Variants in TTLL11 observed in about 807,000 individuals in gnomAD.
TTLL11 encodes the protein tubulin tyrosine ligase like 11.
A neutral mutation model predicts 51.7 loss-of-function variants in TTLL11; 42 were observed. That is an observed-to-expected ratio of 0.81 (90% CI 0.64 to 1.05). The LOEUF (loss-of-function observed/expected upper bound fraction) is 1.05. Ranked by LOEUF, TTLL11 falls within the 50% of genes least tolerant of loss-of-function variation. The pLI, the probability that TTLL11 is intolerant of heterozygous loss-of-function variation, is 0.00. For synonymous variants in TTLL11, 381 were observed against 383.5 expected, an observed-to-expected ratio of 0.99 and a Z score of 0.08; for missense variants, 799 against 940.4, an observed-to-expected ratio of 0.85 and a Z score of 1.97.
chr9:121,989,868 A>C lies in TTLL11; in HGVS notation c.694-98T>G. 5 of 1,510,004 alleles carry C rather than the reference A, an allele frequency of 3.3e-6. No homozygotes were observed. Among genetic ancestry groups the C allele is most frequent in the Non-Finnish European group, 4.4e-6 (5 of 1,138,382 alleles). The allele number at this position is 1,510,004 out of a possible 1,614,324, so 93.5% of individuals were successfully genotyped here. ...AGCAAATGTGTGGTGAATGAGTGAC[A>C]AGATGATCCCTGCCGATCTGAGCAG... On this transcript the variant is annotated intron_variant, in intron 3 of 8. Coordinates refer to ENST00000321582, the MANE Select transcript of TTLL11 (RefSeq NM_001139442.2). This position sits in a 1 kb window ranked among gnomAD's most constrained non-coding sequence, Gnocchi z 4.2.
At chr9:122,003,559 A>G (rs930786225) in intron 3 of TTLL11, among the ~76,000 whole-genome samples, 1 of 140,200 alleles carries the variant, frequency 7.1e-6, no homozygotes, top group African/African-American at 2.7e-5. Context: ...ATCTCGGCTC[A>G]CTGCAACCTC....
intron 1 of TTLL11, among the ~76,000 whole-genome samples, chr9:122,074,277 TAAA>T (rs201390866): frequency 3.7e-5 from 5 of 133,544 alleles, no homozygotes; most frequent in Admixed American, 7.6e-5. Flanking sequence ...TCATCTCAAT[TAAA>T]AAAAAAAAAA....
chr9:121,832,070 A>T (rs187202618), intron 8 of TTLL11, among the ~76,000 whole-genome samples: 6 of 152,230 alleles, frequency 3.9e-5, no homozygotes, highest in Admixed American at 3.9e-4. Context: ...CTATTCAATA[A>T]GGGACCCACC....
chr9:121,907,152 G>A (rs191274000), intron 6 of TTLL11, among the ~76,000 whole-genome samples: 21 of 152,182 alleles, frequency 1.4e-4, no homozygotes. Context: ...ACCAGGGTCT[G>A]TGGCAATTGA....
intron 6 of TTLL11, among the ~76,000 whole-genome samples, chr9:121,895,358 G>A (rs1479115674): frequency 1.4e-5 from 1 of 72,372 alleles, no homozygotes; most frequent in East Asian, 7.5e-4. Flanking sequence ...GTGTGCGTGT[G>A]TGTGTATTGT....
intron 6 of TTLL11, among the ~76,000 whole-genome samples, chr9:121,899,365 G>GTGTGTGTA (rs1226221957): frequency 8.8e-6 from 1 of 113,248 alleles, no homozygotes; most frequent in African/African-American, 3.3e-5. Context: ...ATGTGTGTGT[G>GTGTGTGTA]TATATATATA....
chr9:122,049,575 G>C lies in TTLL11; in HGVS notation c.463-10207C>G, dbSNP rs1380306793. Among the ~76,000 whole-genome samples the C allele has an allele frequency of 2.0e-5, 3 of 152,182 alleles. No individual in the cohort carries two copies. In the East Asian group the frequency reaches 5.8e-4, roughly 29 times the overall value. ...TGTCACAAAGAAAGTTCCTCCCCCAGAGTATACACCTGGATGGACCCGAAA... is the reference window on the plus strand; with the variant it reads ...TGTCACAAAGAAAGTTCCTCCCCCACAGTATACACCTGGATGGACCCGAAA... On this transcript the variant is annotated intron_variant, in intron 1 of 8. Coordinates refer to ENST00000321582, the MANE Select transcript of TTLL11 (RefSeq NM_001139442.2).
intron 6 of TTLL11, among the ~76,000 whole-genome samples, chr9:121,886,243 TG>T (rs370814291): frequency 1.6e-4 from 24 of 152,242 alleles, no homozygotes; most frequent in Admixed American, 1.1e-3. Context: ...AAGGCTGCAG[TG>T]GGCTGAACAC....
chr9:121,891,208 C>A (rs547329801), intron 6 of TTLL11, among the ~76,000 whole-genome samples: 31 of 152,208 alleles, frequency 2.0e-4, no homozygotes, highest in African/African-American at 7.5e-4. Context: ...GGATTCTAAG[C>A]GCTGTTCACT....
chr9:121,876,635 G>A (rs1431967247), intron 6 of TTLL11, among the ~76,000 whole-genome samples: 1 of 152,092 alleles, frequency 6.6e-6, no homozygotes, highest in African/African-American at 2.4e-5. Context: ...GGAATGGCAA[G>A]ATTAAAACCA....
At chr9:121,981,970 T>C (rs986674117) in intron 4 of TTLL11, among the ~76,000 whole-genome samples, 4 of 152,204 alleles carry the variant, frequency 2.6e-5, no homozygotes, top group Admixed American at 1.3e-4. Context: ...CCTCCATATA[T>C]GCATGGCCTA....
intron 1 of TTLL11, among the ~76,000 whole-genome samples, chr9:122,064,260 G>A (rs1845512141): frequency 1.3e-5 from 2 of 152,180 alleles, no homozygotes; most frequent in Admixed American, 1.3e-4. Flanking sequence ...TGGGTCACCA[G>A]AACAAAGTTA....
intron 8 of TTLL11, among the ~76,000 whole-genome samples, chr9:121,859,199 A>G (rs370437479): frequency 6.8e-6 from 1 of 146,648 alleles, no homozygotes; most frequent in South Asian, 2.2e-4. Flanking sequence ...TTTTAGAAAA[A>G]CACCCTCTGG....
intron 8 of TTLL11, among the ~76,000 whole-genome samples, chr9:121,838,491 G>T (rs965224966): frequency 2.6e-5 from 4 of 152,178 alleles, no homozygotes; most frequent in African/African-American, 9.7e-5. Flanking sequence ...GGCCGAGGTG[G>T]GCGGATCACC....
chr9:121,874,258 C>T (rs1434138941), intron 6 of TTLL11, among the ~76,000 whole-genome samples: 1 of 152,180 alleles, frequency 6.6e-6, no homozygotes, highest in African/African-American at 2.4e-5. Flanking sequence ...GCCAGCCTCC[C>T]AATATCTTGG....
rs1844771729 is a variant in TTLL11 at position 122,038,951 on chromosome 9, TG to T, written c.559+320del. Among the ~76,000 whole-genome samples the T allele has an allele frequency of 1.3e-5, 2 of 152,226 alleles. 1 individual carries two copies. The highest frequency in any genetic ancestry group is 1.3e-4 in the Admixed American group (2 of 15,280). ...CATATGCCTAGAATTTTGGTGCTTTTGTTTCCCGCAAGAATGAAATGTTCTA... is the reference window on the plus strand; with the variant it reads ...CATATGCCTAGAATTTTGGTGCTTTTTTTCCCGCAAGAATGAAATGTTCTA... On this transcript the variant is annotated intron_variant, in intron 2 of 8. Coordinates refer to ENST00000321582, the MANE Select transcript of TTLL11 (RefSeq NM_001139442.2).
intron 3 of TTLL11, among the ~76,000 whole-genome samples, chr9:122,019,816 T>G (rs1844112503): frequency 6.6e-6 from 1 of 152,206 alleles, no homozygotes; most frequent in South Asian, 2.1e-4. Context: ...AGGGACCCAG[T>G]GGGAGATAAC....
chr9:121,913,046 C>T (rs947356151), intron 6 of TTLL11, among the ~76,000 whole-genome samples: 1 of 152,174 alleles, frequency 6.6e-6, no homozygotes, highest in African/African-American at 2.4e-5. Flanking sequence ...CTGCAGTGAA[C>T]TCTGGCTGCT....
At chr9:121,975,746 A>G (rs1349169915) in intron 4 of TTLL11, among the ~76,000 whole-genome samples, 1 of 152,082 alleles carries the variant, frequency 6.6e-6, no homozygotes, top group Non-Finnish European at 1.5e-5. Flanking sequence ...AACCCACCAC[A>G]TCCCTACAGA....
Sources: gnomAD v4.1 joint callset for allele counts (sites outside exome capture counted in the v4.1 genomes callset) on GRCh38, gnomAD v4.1.1 for gene constraint, Gnocchi (gnomAD v3.1) non-coding constraint, MANE v1.5 for transcripts, NCBI Gene and HGNC (gene_info 2026-07-23, HGNC 2026-07-21) for gene names.